Variants in HECW2 observed in about 807,000 individuals in gnomAD.
HECW2 encodes the protein HECT, C2 and WW domain containing E3 ubiquitin protein ligase 2.
HECW2 carries 61 observed loss-of-function variants against 175.2 expected under a neutral mutation model. The observed-to-expected ratio is 0.35, with a 90% confidence interval of 0.28 to 0.43. HECW2 has a LOEUF of 0.43. Among genes scored for constraint, HECW2 ranks in the 20% least tolerant of loss-of-function variants. The pLI is 1.00. For synonymous variants in HECW2, 671 were observed against 731.0 expected (o/e 0.92, Z 1.32); for missense variants, 1,524 against 2,000.5 (o/e 0.76, Z 4.54).
chr2:196,545,424 G>A (rs1689377669), intron 1 of HECW2, among the ~76,000 whole-genome samples: 1 of 152,152 alleles, frequency 6.6e-6, no homozygotes, highest in Non-Finnish European at 1.5e-5. Flanking sequence ...AAGAAATGGA[G>A]ACAGCCACAG....
intron 1 of HECW2, among the ~76,000 whole-genome samples, chr2:196,540,886 T>TAAA (rs1689189465): frequency 6.6e-6 from 1 of 152,258 alleles, no homozygotes; most frequent in Non-Finnish European, 1.5e-5. Flanking sequence ...TCCTCCCATT[T>TAAA]ACTGATGACA....
chr2:196,575,803 G>A (rs1575689361), intron 1 of HECW2, among the ~76,000 whole-genome samples: 1 of 152,188 alleles, frequency 6.6e-6, no homozygotes, highest in Non-Finnish European at 1.5e-5. Flanking sequence ...CTAAGCAGGA[G>A]CAGGCGTGTC....
At chr2:196,235,697 C>T (rs564450626) in intron 21 of HECW2, among the ~76,000 whole-genome samples, 1 of 142,570 alleles carries the variant, frequency 7.0e-6, no homozygotes, top group Admixed American at 7.1e-5. Context: ...GCTCTGTCGC[C>T]CTGGCTGGAG....
intron 28 of HECW2, among the ~76,000 whole-genome samples, chr2:196,214,896 G>A (rs767620): frequency 0.38 from 57,256 of 151,942 alleles, 11,559 homozygotes; most frequent in African/African-American, 0.53. Context: ...ACCTTATATA[G>A]TAACAATAAT....
chr2:196,328,051 G>A (rs955597244), intron 5 of HECW2, among the ~76,000 whole-genome samples: 87 of 100,538 alleles, frequency 8.7e-4, no homozygotes, highest in Non-Finnish European at 1.6e-3. Flanking sequence ...ACATCATGCT[G>A]TACACCATAA....
intron 1 of HECW2, chr2:196,586,496 C>A (rs964522514): frequency 1.3e-5 from 2 of 152,254 alleles, no homozygotes; most frequent in Admixed American, 6.5e-5. Flanking sequence ...TCACTTTGCA[C>A]AGCAAACTCA....
At chr2:196,240,620 T>C (rs2105879296) in intron 20 of HECW2, 58 bp from the exon 21 acceptor site, 1 of 1,376,758 alleles carries the variant, frequency 7.3e-7, no homozygotes, top group Non-Finnish European at 9.6e-7. Context: ...TTAAAGATAA[T>C]TTACTTATCT....
chr2:196,575,303 C>T (rs1289325916), intron 1 of HECW2, among the ~76,000 whole-genome samples: 4 of 151,980 alleles, frequency 2.6e-5, no homozygotes, highest in Non-Finnish European at 5.9e-5. Flanking sequence ...AACTCTGGTA[C>T]ACTTAGTGAG....
intron 2 of HECW2, among the ~76,000 whole-genome samples, chr2:196,380,469 T>C (rs996537930): frequency 3.3e-5 from 5 of 152,222 alleles, no homozygotes; most frequent in African/African-American, 1.2e-4. Context: ...TTTCCGTTTT[T>C]TTCTGTTAGT....
chr2:196,370,255 T>G (rs1459772619), intron 2 of HECW2, among the ~76,000 whole-genome samples: 1 of 152,132 alleles, frequency 6.6e-6, no homozygotes, highest in Non-Finnish European at 1.5e-5. Context: ...CTGACAGGTC[T>G]GAGTCCTTCC....
At position 196,472,029 on chromosome 2, in the gene HECW2, C is replaced by T. The variant is rs78866648; in HGVS notation, c.-35-38571G>A. Among the ~76,000 whole-genome samples the T allele has an allele frequency of 7.5e-3, 1,118 of 148,258 alleles. 13 individuals carry two copies. Among genetic ancestry groups the T allele is most frequent in the African/African-American group, 0.026 (1,041 of 40,186 alleles). Reference sequence around the variant, plus strand: ...AGAGAACCTAAAAGTCACTTATAGACGAATGGATATACTGTGGCATTCTCA... The same window carrying T: ...AGAGAACCTAAAAGTCACTTATAGATGAATGGATATACTGTGGCATTCTCA... On this transcript the variant is annotated intron_variant, in intron 1 of 28. Transcript: ENST00000644978.
At chr2:196,554,674 CTCAG>C (rs1689734097) in intron 1 of HECW2, among the ~76,000 whole-genome samples, 1 of 152,216 alleles carries the variant, frequency 6.6e-6, no homozygotes, top group South Asian at 2.1e-4. Flanking sequence ...GTCCCTTTCT[CTCAG>C]TAAGTCTTTT....
intron 1 of HECW2, among the ~76,000 whole-genome samples, chr2:196,451,520 G>T (rs1442615921): frequency 1.3e-5 from 2 of 151,790 alleles, no homozygotes; most frequent in Non-Finnish European, 2.9e-5. Flanking sequence ...ACTAGAAACA[G>T]GCCATTAATT....
chr2:196,382,103 T>C (rs1341666490), intron 2 of HECW2, among the ~76,000 whole-genome samples: 1 of 152,096 alleles, frequency 6.6e-6, no homozygotes, highest in Non-Finnish European at 1.5e-5. Flanking sequence ...AAGTGTAGAA[T>C]AGTGCATATA....
At position 196,217,109 on chromosome 2, in the gene HECW2, T is replaced by C. The variant is rs780832873; in HGVS notation, c.4409-16A>G. 6.3e-6 allele frequency: 10 copies of C among 1,589,658 alleles called. No homozygotes were observed. Among genetic ancestry groups the C allele is most frequent in the Non-Finnish European group, 6.0e-6 (7 of 1,165,662 alleles). On this transcript the variant is annotated splice_polypyrimidine_tract_variant and intron_variant, in intron 26 of 28. Transcript: ENST00000644978. ...TCATGGTATCCTATCAAACCAATCA[T>C]AAAAGCCCATGTTACTTTGACTCTT...
chr2:196,214,170 CAG>C (rs1687388190), intron 28 of HECW2, among the ~76,000 whole-genome samples: 1 of 152,132 alleles, frequency 6.6e-6, no homozygotes, highest in Non-Finnish European at 1.5e-5. Flanking sequence ...GATGAGGAAA[CAG>C]AGGCTCAGAA....
At chr2:196,305,374 G>A (rs572957443) in intron 13 of HECW2, among the ~76,000 whole-genome samples, 1 of 152,306 alleles carries the variant, frequency 6.6e-6, no homozygotes, top group African/African-American at 2.4e-5. Flanking sequence ...AGACAATGAT[G>A]AGGAAAGGCA....
At chr2:196,395,412 A>T (rs1002811726) in intron 2 of HECW2, among the ~76,000 whole-genome samples, 1 of 152,192 alleles carries the variant, frequency 6.6e-6, no homozygotes, top group African/African-American at 2.4e-5. Context: ...CTATCGACAG[A>T]ATGGAAAAGC....
At chr2:196,276,256 T>C (rs1237172226) in intron 15 of HECW2, among the ~76,000 whole-genome samples, 1 of 152,040 alleles carries the variant, frequency 6.6e-6, no homozygotes, top group Non-Finnish European at 1.5e-5. Flanking sequence ...CCCCGGAAGG[T>C]TTAACAATGT....
Sources: gnomAD v4.1 joint callset for allele counts (sites outside exome capture counted in the v4.1 genomes callset) on GRCh38, gnomAD v4.1.1 for gene constraint, MANE v1.5 for transcripts, NCBI Gene and HGNC (gene_info 2026-07-23, HGNC 2026-07-21) for gene names.